The following SUN5 variants were observed in gnomAD, a reference collection of about 807,000 sequenced individuals.
SUN5 encodes SUN domain-containing protein 5.
Under a neutral mutation model 53.7 loss-of-function variants are expected in SUN5, and 44 were observed. That is an observed-to-expected ratio of 0.82 (90% CI 0.64 to 1.05). The LOEUF (loss-of-function observed/expected upper bound fraction) is 1.05. Ranked by LOEUF, SUN5 falls within the 50% of genes least tolerant of loss-of-function variation. The pLI, the probability that SUN5 is intolerant of heterozygous loss-of-function variation, is 0.00. For synonymous variants in SUN5, 166 were observed against 179.8 expected, an observed-to-expected ratio of 0.92 and a Z score of 0.62; for missense variants, 433 against 483.8, an observed-to-expected ratio of 0.90 and a Z score of 0.98.
chr20:32,985,624 GC>G (rs1989515210), intron 11 of SUN5, 111 bp downstream of exon 11: 1 of 1,352,466 alleles, frequency 7.4e-7, no homozygotes, highest in African/African-American at 1.5e-5. Context: ...GCTGCATTCA[GC>G]CCCTCCAGCC....
At chr20:32,989,018 C>T (rs145540280) in intron 9 of SUN5, among the ~76,000 whole-genome samples, 2,658 of 152,136 alleles carry the variant, frequency 0.017, 75 homozygotes, top group African/African-American at 0.059. Flanking sequence ...CTCTGCCTCC[C>T]GGGTTTACCC....
At position 32,985,858 on chromosome 20, in the gene SUN5, C is replaced by T. The variant is rs770953368; in HGVS notation, c.775G>A (p.Gly259Ser). Reference sequence around the variant, plus strand: ...TGAGCCAATTGGATGGTCACCTGGCCGCGGTCACCCTCAAAGGCCCAGCAA... The same window carrying T: ...TGAGCCAATTGGATGGTCACCTGGCTGCGGTCACCCTCAAAGGCCCAGCAA... ...GNCWAFEGDR[G>S]QVTIQLAQKV... The change falls in exon 11 of 13, where the codon GGC becomes AGC. Residue 259 changes from glycine to serine, a missense_variant. By Grantham distance (56) the Gly-to-Ser change is moderately conservative (BLOSUM62 0). Coordinates refer to ENST00000356173, the MANE Select transcript of SUN5 (RefSeq NM_080675.4). The T allele has an allele frequency of 5.0e-6, 8 of 1,614,080 alleles. No individual in the cohort carries two copies. The highest frequency in any genetic ancestry group is 4.4e-5 in the South Asian group (4 of 91,066).
chr20:32,990,650 G>T (rs1025112383), intron 8 of SUN5, among the ~76,000 whole-genome samples: 1 of 152,230 alleles, frequency 6.6e-6, no homozygotes, highest in East Asian at 1.9e-4. Context: ...AGAGGCCACA[G>T]ATGGGTGCTT....
At chr20:32,985,943 T>A in intron 10 of SUN5, 40 bp from the exon 11 acceptor site, 6 of 1,590,776 alleles carry the variant, frequency 3.8e-6, no homozygotes, top group Non-Finnish European at 5.1e-6. Flanking sequence ...GCTGGGTGGG[T>A]AGGGGGATCA....
chr20:32,996,260 C>T, intron 7 of SUN5, 64 bp downstream of exon 7: 1 of 1,543,910 alleles, frequency 6.5e-7, no homozygotes, highest in South Asian at 1.1e-5. Flanking sequence ...CCAATACACC[C>T]CAGATTCTGG....
Position 32,989,504 on chromosome 20 carries a change from C to T in SUN5, c.613+116G>A, listed in dbSNP as rs551518982. 3.0e-3 allele frequency: 1,997 copies of T among 667,388 alleles called. 5 individuals carry two copies. The highest frequency in any genetic ancestry group is 6.8e-3 in the South Asian group (422 of 62,338). The allele number at this position is 667,388 out of a possible 1,614,324, so 41.3% of individuals were successfully genotyped here. ...TTGTAGCAAGAAAACCAGCTTGGAA[C>T]AGAGGATGAACTTCCCAGCGGCAGA... On this transcript the variant is annotated intron_variant, in intron 9 of 12. Transcript: ENST00000356173.
At position 32,989,772 on chromosome 20, in the gene SUN5, G is replaced by A. The variant is rs1989661896; in HGVS notation, c.535-74C>T. On this transcript the variant is annotated intron_variant, in intron 8 of 12. Coordinates refer to ENST00000356173, the MANE Select transcript of SUN5 (RefSeq NM_080675.4). ...TGTGATCCCCACGTGTCCACGGGAG[G>A]TAACAGGGGGCTGCAGGACGCTGTC... 3 of 1,278,954 alleles carry A rather than the reference G, an allele frequency of 2.3e-6. No individual in the cohort carries two copies. In the South Asian group the frequency reaches 3.6e-5, roughly 16 times the overall value. The allele number at this position is 1,278,954 out of a possible 1,614,324, so 79.2% of individuals were successfully genotyped here.
chr20:32,991,093 C>G (rs1266681554), intron 8 of SUN5, among the ~76,000 whole-genome samples: 1 of 152,178 alleles, frequency 6.6e-6, no homozygotes, highest in Non-Finnish European at 1.5e-5. Context: ...TCACCTATTA[C>G]TTTTCAAAAC....
intron 12 of SUN5, 143 bp downstream of exon 12, chr20:32,984,956 C>T (rs1600487138): frequency 1.2e-6 from 1 of 819,510 alleles, no homozygotes. Context: ...ACTCTCTGAG[C>T]CTCAGTTTCC....
chr20:32,987,696 C>T lies in SUN5; in HGVS notation c.693G>A (p.Leu231=), dbSNP rs1307955630. Reference sequence around the variant, plus strand: ...CGTCTGGGGGCTGTGCGTAGTTCCACAGCTGGATCCAGTTCCAGTAGGAGT... The same window carrying T: ...CGTCTGGGGGCTGTGCGTAGTTCCATAGCTGGATCCAGTTCCAGTAGGAGT... ...KAHSYWNWIQ[L]WNYAQPPDVI... Residue 231 remains leucine (L), a synonymous_variant, in exon 10 of 13, where the codon CTG becomes CTA. Transcript: ENST00000356173. The T allele has an allele frequency of 1.2e-6, 2 of 1,613,272 alleles. No homozygotes were observed. Among genetic ancestry groups the T allele is most frequent in the South Asian group, 1.1e-5 (1 of 90,664 alleles).
In SUN5 at chr20:32,987,655, C is replaced by G. The variant is rs754351766; in HGVS notation, c.729+5G>C. On this transcript the variant is annotated splice_donor_5th_base_variant and intron_variant, in intron 10 of 12. Transcript: ENST00000356173. ...CGCTGTCCCATCTCCCGCCATCCCC[C>G]CTGCCTCAAGGATCACGTCTGGGGG... The G allele has an allele frequency of 6.3e-7, 1 of 1,598,668 alleles. No individual in the cohort carries two copies. The highest frequency in any genetic ancestry group is 8.5e-7 in the Non-Finnish European group (1 of 1,172,338).
chr20:32,999,161 G>A (rs1989931230), intron 5 of SUN5, among the ~76,000 whole-genome samples: 2 of 152,216 alleles, frequency 1.3e-5, no homozygotes, highest in African/African-American at 4.8e-5. Context: ...GTCTTGCCTT[G>A]TGTTATAACT....
In SUN5 at chr20:33,000,056, C is replaced by A. The variant is rs761144429; in HGVS notation, c.340+18G>T. The A allele has an allele frequency of 6.2e-7, 1 of 1,606,230 alleles. No homozygotes were observed. The highest frequency in any genetic ancestry group is 2.2e-5 in the East Asian group (1 of 44,618). On this transcript the variant is annotated intron_variant, in intron 5 of 12. Transcript: ENST00000356173. Reference sequence around the variant, plus strand: ...AGGGATACCTCCACCTGGGACTGGGCAGGGCCCTGGGACACACCGAAAGCA... The same window carrying A: ...AGGGATACCTCCACCTGGGACTGGGAAGGGCCCTGGGACACACCGAAAGCA...
intron 4 of SUN5, 78 bp from the exon 5 acceptor site, chr20:33,000,213 T>C (rs1989964936): frequency 1.3e-6 from 2 of 1,490,932 alleles, no homozygotes; most frequent in African/African-American, 1.4e-5. Flanking sequence ...CGTCACTCTC[T>C]TTCTCCGTAG....
chr20:33,001,343 G>T, intron 3 of SUN5, 65 bp from the exon 4 acceptor site: 1 of 1,536,302 alleles, frequency 6.5e-7, no homozygotes, highest in Non-Finnish European at 8.8e-7. Context: ...ACAAGGACCT[G>T]CTGACCTTTC....
intron 10 of SUN5, among the ~76,000 whole-genome samples, chr20:32,986,271 G>A (rs984387617): frequency 3.3e-5 from 5 of 152,234 alleles, no homozygotes; most frequent in Middle Eastern, 3.4e-3. Flanking sequence ...CACTATCCCC[G>A]TTTTGAAGGT....
At chr20:33,000,039 C>T (rs1402847350) in intron 5 of SUN5, 35 bp downstream of exon 5, 6 of 1,598,972 alleles carry the variant, frequency 3.8e-6, no homozygotes, top group Non-Finnish European at 4.3e-6. Context: ...CCAGGGATAC[C>T]TCCACCTGGG....
chr20:32,985,615 C>T, intron 11 of SUN5, 121 bp downstream of exon 11: 1 of 1,276,606 alleles, frequency 7.8e-7, no homozygotes, highest in Non-Finnish European at 1.1e-6. Context: ...CTTAACCAAG[C>T]TGCATTCAGC....
At chr20:32,997,491 A>C in intron 6 of SUN5, 147 bp downstream of exon 6, 1 of 741,608 alleles carries the variant, frequency 1.3e-6, no homozygotes, top group Non-Finnish European at 2.2e-6. Flanking sequence ...GGTGGATGGT[A>C]CGATGAAGGG....
Sources: allele counts gnomAD v4.1 joint callset (sites outside exome capture counted in the v4.1 genomes callset), GRCh38; gene constraint gnomAD v4.1.1; transcripts MANE v1.5; gene names NCBI Gene and HGNC (gene_info 2026-07-23, HGNC 2026-07-21).